Variants in M1AP observed in about 807,000 individuals in gnomAD.
M1AP encodes meiosis 1 associated protein.
In M1AP, 39 loss-of-function variants were observed where a neutral mutation model predicts 51.2. The observed-to-expected ratio is 0.76, with a 90% CI of 0.59 to 1.00. The LOEUF is 1.00. M1AP is among the 50% of genes least tolerant of loss of function. The pLI is 0.00. For synonymous variants in M1AP, 251 were observed against 249.2 expected, an observed-to-expected ratio of 1.01 and a Z score of -0.07; for missense variants, 545 against 641.2, an observed-to-expected ratio of 0.85 and a Z score of 1.62.
intron 3 of M1AP, among the ~76,000 whole-genome samples, chr2:74,613,449 C>CT (rs1347821915): frequency 2.6e-5 from 4 of 152,198 alleles, no homozygotes; most frequent in African/African-American, 9.7e-5. Flanking sequence ...TTTTAGTGAA[C>CT]TTATGCCTCT....
chr2:74,606,196 C>T (rs532504363), intron 4 of M1AP, among the ~76,000 whole-genome samples: 1 of 152,318 alleles, frequency 6.6e-6, no homozygotes, highest in East Asian at 1.9e-4. Context: ...GTATGCTCCA[C>T]TGTTCCATCA....
rs1681064915 is a variant in M1AP at position 74,607,183 on chromosome 2, T to C, written c.467A>G (p.Lys156Arg). ...ATCTTTCAACCCTTCCTCCAACTGT[T>C]TGACCACCTCTTTTCCAGGCTGAGA... is the stretch of plus-strand genomic sequence containing the variant. ...LTSQPGKEVV[K>R]QLEEGLKDTD... is the part of the protein sequence containing the mutation. Residue 156 changes from lysine (K) to arginine (R), a missense_variant, in exon 4 of 11, where the codon AAA becomes AGA. Physicochemically the swap from Lys to Arg is conservative, Grantham distance 26 (BLOSUM62 2). Coordinates refer to ENST00000421985, the MANE Select transcript of M1AP (RefSeq NM_001321739.2). 4 of 1,614,150 alleles carry C rather than the reference T, an allele frequency of 2.5e-6. No homozygotes were observed. Among genetic ancestry groups the C allele is most frequent in the African/African-American group, 2.7e-5 (2 of 75,054 alleles).
intron 1 of M1AP, among the ~76,000 whole-genome samples, chr2:74,643,552 G>C (rs1423374558): frequency 2.0e-5 from 3 of 150,570 alleles, no homozygotes; most frequent in African/African-American, 7.3e-5. Flanking sequence ...ATGATGAGAA[G>C]AGACAAAAGA....
intron 4 of M1AP, among the ~76,000 whole-genome samples, chr2:74,592,403 G>T (rs1269441998): frequency 6.6e-6 from 1 of 152,110 alleles, no homozygotes; most frequent in Non-Finnish European, 1.5e-5. Context: ...GGGTGAGGTT[G>T]AACATATTTT....
intron 3 of M1AP, among the ~76,000 whole-genome samples, chr2:74,612,124 C>G (rs1231146758): frequency 6.6e-6 from 1 of 151,472 alleles, no homozygotes; most frequent in Non-Finnish European, 1.5e-5. Context: ...ATCGCCTGAC[C>G]TCGTGATCTA....
rs1274419438 is a variant in M1AP at position 74,624,368 on chromosome 2, CT to C, written c.241-9220del. On this transcript the variant is annotated intron_variant, in intron 2 of 10. Coordinates refer to ENST00000421985, the MANE Select transcript of M1AP (RefSeq NM_001321739.2). ...TATTTGTTGGACATCATGTAAATGC[CT>C]TGGCTTGACAAAATCTTCAAGAATT... 2.6e-5 allele frequency among the ~76,000 whole-genome samples: 4 copies of C among 152,146 alleles called. No homozygotes were observed. The East Asian group carries it at 7.7e-4, about 29-fold the overall frequency.
At chr2:74,626,712 G>A (rs899477396) in intron 2 of M1AP, among the ~76,000 whole-genome samples, 1 of 152,236 alleles carries the variant, frequency 6.6e-6, no homozygotes, top group African/African-American at 2.4e-5. Flanking sequence ...GATGCTGTGA[G>A]TATGGATCTA....
chr2:74,582,889 C>T (rs1243787296), intron 4 of M1AP, among the ~76,000 whole-genome samples: 1 of 151,898 alleles, frequency 6.6e-6, no homozygotes, highest in Non-Finnish European at 1.5e-5. Context: ...GGTGTGGTGG[C>T]GGGCACCTGT....
chr2:74,616,995 T>C (rs527457858), intron 2 of M1AP, among the ~76,000 whole-genome samples: 1 of 152,326 alleles, frequency 6.6e-6, no homozygotes, highest in South Asian at 2.1e-4. Flanking sequence ...AGAAAAATCT[T>C]GTTTTCTCTT....
chr2:74,558,813 A>G lies in M1AP; in HGVS notation c.1496T>C (p.Val499Ala). 2 of 1,610,692 alleles carry G rather than the reference A, an allele frequency of 1.2e-6. No homozygotes were observed. The highest frequency in any genetic ancestry group is 2.2e-5 in the South Asian group (2 of 90,284). ...TGGCATCTTGGAGGCTCTGCCTGGG[A>G]CAGGAGTCATAGGCAGGGGGGCCAC... ...ATVAPLPMTP[V>A]PGRASKMPAA... The change falls in exon 11 of 11, where the codon GTC (valine) becomes GCC (alanine). Residue 499 changes from valine to alanine, a missense_variant. By Grantham distance (64) the Val-to-Ala change is moderately conservative. Transcript: ENST00000421985.
chr2:74,601,699 T>C (rs1680688494), intron 4 of M1AP, among the ~76,000 whole-genome samples: 1 of 152,138 alleles, frequency 6.6e-6, no homozygotes, highest in Non-Finnish European at 1.5e-5. Context: ...AAATATATAA[T>C]AGGCTATATG....
chr2:74,562,449 T>G, intron 7 of M1AP, 26 bp from the exon 8 acceptor site: 1 of 1,613,208 alleles, frequency 6.2e-7, no homozygotes, highest in South Asian at 1.1e-5. Context: ...ACAGAAATAC[T>G]GGTTCATCTT....
intron 4 of M1AP, among the ~76,000 whole-genome samples, chr2:74,586,370 C>T (rs1349509680): frequency 6.6e-6 from 1 of 152,212 alleles, no homozygotes; most frequent in Non-Finnish European, 1.5e-5. Context: ...GTGACTCCCT[C>T]CTCCTCAGCT....
At chr2:74,628,112 T>C (rs1682503977) in intron 2 of M1AP, among the ~76,000 whole-genome samples, 2 of 152,204 alleles carry the variant, frequency 1.3e-5, no homozygotes. Flanking sequence ...CTTGACAATG[T>C]TTCTACTGCC....
chr2:74,609,957 T>G (rs1407675679), intron 3 of M1AP, among the ~76,000 whole-genome samples: 1 of 152,144 alleles, frequency 6.6e-6, no homozygotes, highest in African/African-American at 2.4e-5. Flanking sequence ...GTCAGATGCA[T>G]AGTTTACAAA....
intron 4 of M1AP, among the ~76,000 whole-genome samples, chr2:74,605,027 TGAAA>T (rs1680887828): frequency 6.6e-6 from 1 of 151,626 alleles, no homozygotes; most frequent in Admixed American, 6.6e-5. Context: ...GCTAACATGG[TGAAA>T]GAAAGTCAAA....
chr2:74,625,822 C>T (rs1274562795), intron 2 of M1AP, among the ~76,000 whole-genome samples: 4 of 152,220 alleles, frequency 2.6e-5, no homozygotes, highest in Admixed American at 1.3e-4. Flanking sequence ...TGATTCAGGC[C>T]TCCTGCCTGT....
intron 2 of M1AP, among the ~76,000 whole-genome samples, chr2:74,626,247 C>A (rs1196099817): frequency 6.9e-6 from 1 of 145,618 alleles, no homozygotes; most frequent in Non-Finnish European, 1.5e-5. Flanking sequence ...ATATGTTAAG[C>A]TATATTTCAG....
chr2:74,590,704 C>T (rs1335602953), intron 4 of M1AP, among the ~76,000 whole-genome samples: 7 of 152,106 alleles, frequency 4.6e-5, no homozygotes, highest in African/African-American at 9.7e-5. Flanking sequence ...TCTGGAGCCA[C>T]GGAAGTGTTC....
Sources: gnomAD v4.1 joint callset for allele counts (sites outside exome capture counted in the v4.1 genomes callset) on GRCh38, gnomAD v4.1.1 for gene constraint, MANE v1.5 for transcripts, NCBI Gene and HGNC (gene_info 2026-07-23, HGNC 2026-07-21) for gene names.